The following GOSR2 variants were observed in gnomAD, a reference collection of about 807,000 sequenced individuals.
GOSR2 encodes the protein 27 kDa Golgi SNARE protein.
In GOSR2, 20 loss-of-function variants were observed where a neutral mutation model predicts 27.9. The ratio of observed to expected loss-of-function variants is 0.72; its 90% CI spans 0.50 to 1.04. The LOEUF (loss-of-function observed/expected upper bound fraction) is 1.04. Among genes scored for constraint, GOSR2 ranks in the 50% least tolerant of loss-of-function variants. GOSR2 has a pLI of 0.00. For missense variants in GOSR2, 261 were observed against 270.5 expected, an observed-to-expected ratio of 0.97 and a Z score of 0.25; for synonymous variants, 91 against 98.8, an observed-to-expected ratio of 0.92 and a Z score of 0.47.
chr17:46,966,541 G>A, exon 7 of GOSR2: 1 of 694,080 alleles, frequency 1.4e-6, no homozygotes, highest in Non-Finnish European at 2.6e-6. Context: ...CAGAGACAAG[G>A]TCTCACCATG....
At chr17:46,937,193 G>A (rs1271726801) in intron 5 of GOSR2, 1 of 152,150 alleles carries the variant, frequency 6.6e-6, no homozygotes, top group Admixed American at 6.5e-5. Context: ...TGTTTTGGTG[G>A]TGGGTGATGC....
In GOSR2 at chr17:46,923,236, G is replaced by T. The variant is rs374396285; in HGVS notation, c.29+15G>T. ...CAAACGCACAAGTGAGGGCCGGTCG[G>T]GGAGCGGGCAGGGGCTAGACGAGGC... is the stretch of plus-strand genomic sequence containing the variant. On this transcript the variant is annotated intron_variant, in intron 1 of 5. Transcript: ENST00000640051. 2.7e-5 allele frequency: 42 copies of T among 1,551,176 alleles called. No homozygotes were observed. The East Asian group carries it at 5.9e-4, about 22-fold the overall frequency.
chr17:46,931,673 G>T, intron 3 of GOSR2: 1 of 318,082 alleles, frequency 3.1e-6, no homozygotes, highest in Non-Finnish European at 5.8e-6. Flanking sequence ...CCCAGCGCCT[G>T]TTTCCAAAAG....
At chr17:46,950,719 A>G (rs2090273836) in intron 6 of GOSR2, among the ~76,000 whole-genome samples, 1 of 152,044 alleles carries the variant, frequency 6.6e-6, no homozygotes, top group Admixed American at 6.5e-5. Context: ...GAGGGCAGGG[A>G]CTGGTCTGTG....
intron 6 of GOSR2, among the ~76,000 whole-genome samples, chr17:46,951,855 T>A (rs1451758785): frequency 6.6e-6 from 1 of 152,180 alleles, no homozygotes; most frequent in Non-Finnish European, 1.5e-5. Context: ...CAAGAAAATC[T>A]GGCTTTTCCC....
Position 46,940,948 on chromosome 17 carries a change from ACT to A in GOSR2, c.*2194_*2195del, listed in dbSNP as rs553512648. Reference sequence around the variant, plus strand: ...AAATAGACCTTGGCCTAACAGTGTGACTCTCTCCACCGCCTCAGTGTAGGGAA... The same window carrying A: ...AAATAGACCTTGGCCTAACAGTGTGACTCTCCACCGCCTCAGTGTAGGGAA... On this transcript the variant is annotated 3_prime_UTR_variant, in exon 6 of 6. Transcript: ENST00000640051. The A allele has an allele frequency of 1.1e-3, 1,409 of 1,250,846 alleles. 3 individuals carry two copies. Among genetic ancestry groups the A allele is most frequent in the Admixed American group, 5.0e-3 (147 of 29,154 alleles). 77.5% of individuals were successfully genotyped at this position (1,250,846 alleles called of 1,614,324 possible).
downstream of GOSR2, chr17:46,968,660 T>A (rs1332902924): frequency 6.6e-6 from 1 of 152,460 alleles, no homozygotes; most frequent in East Asian, 1.9e-4. Context: ...TTCTGTGTAA[T>A]CATACAGCTT....
intron 6 of GOSR2, among the ~76,000 whole-genome samples, chr17:46,973,382 C>T (rs758702145): frequency 5.3e-5 from 8 of 152,002 alleles, no homozygotes; most frequent in Admixed American, 3.9e-4. Context: ...AGGCTGGTCT[C>T]GAACTCGTGG....
At chr17:46,923,280 C>A (rs185341564) in intron 1 of GOSR2, 59 bp downstream of exon 1, 4 of 1,549,896 alleles carry the variant, frequency 2.6e-6, no homozygotes, top group Non-Finnish European at 3.5e-6. Flanking sequence ...GTGAGCCTGG[C>A]TTCTGGGGCT....
chr17:46,939,213 A>T lies in GOSR2; in HGVS notation c.*453A>T, dbSNP rs1353006964. Reference sequence around the variant, plus strand: ...AGGAAAGAGGCCTTTTCTCACAGCCATTATATTAAATAGTAGGTCGATTCA... The same window carrying T: ...AGGAAAGAGGCCTTTTCTCACAGCCTTTATATTAAATAGTAGGTCGATTCA... On this transcript the variant is annotated 3_prime_UTR_variant, in exon 6 of 6. Transcript: ENST00000640051. 9.3e-7 allele frequency: 1 copy of T among 1,073,548 alleles called. No individual in the cohort carries two copies. The highest frequency in any genetic ancestry group is 1.6e-5 in the African/African-American group (1 of 61,428). The allele number at this position is 1,073,548 out of a possible 1,614,324, so 66.5% of individuals were successfully genotyped here. A position where few individuals can be genotyped will look rare whatever the true frequency, so the allele number is the denominator to read the frequency against.
At position 46,941,248 on chromosome 17, in the gene GOSR2, C is replaced by G; in HGVS notation, c.*2488C>G. ...ATTTTTTAGACTTCACTGCGGAGTTCTGTACACCCTTTGCCCTGATGAATT... is the reference window on the plus strand; with the variant it reads ...ATTTTTTAGACTTCACTGCGGAGTTGTGTACACCCTTTGCCCTGATGAATT... On this transcript the variant is annotated 3_prime_UTR_variant, in exon 6 of 6. Coordinates refer to ENST00000640051, the MANE Select transcript of GOSR2 (RefSeq NM_004287.5). 1 of 992,062 alleles carries G rather than the reference C, an allele frequency of 1.0e-6. No individual in the cohort carries two copies. Among genetic ancestry groups the G allele is most frequent in the Non-Finnish European group, 1.2e-6 (1 of 833,146 alleles). The allele number at this position is 992,062 out of a possible 1,614,324, so 61.5% of individuals were successfully genotyped here.
chr17:46,959,372 T>C (rs977617647), intron 6 of GOSR2, among the ~76,000 whole-genome samples: 1 of 152,252 alleles, frequency 6.6e-6, no homozygotes, highest in Non-Finnish European at 1.5e-5. Context: ...AGTGTATTTC[T>C]TTTTGTCTGG....
intron 6 of GOSR2, chr17:46,955,820 C>T (rs2090668942): frequency 6.6e-6 from 1 of 152,210 alleles, no homozygotes; most frequent in Non-Finnish European, 1.5e-5. Context: ...GTGTGTGTGT[C>T]TCATCTCTCT....
intron 1 of GOSR2, among the ~76,000 whole-genome samples, chr17:46,927,920 A>G (rs915167480): frequency 6.6e-6 from 1 of 152,098 alleles, no homozygotes; most frequent in African/African-American, 2.4e-5. Context: ...ATCAGCATTG[A>G]AAATTTACCT....
chr17:46,934,162 T>G (rs750310680), intron 4 of GOSR2, among the ~76,000 whole-genome samples: 5 of 144,310 alleles, frequency 3.5e-5, no homozygotes, highest in African/African-American at 5.7e-5. Flanking sequence ...CATTCCCAGC[T>G]CCACTGGACT....
intron 6 of GOSR2, among the ~76,000 whole-genome samples, chr17:46,948,087 C>T (rs918129785): frequency 2.6e-5 from 4 of 152,188 alleles, no homozygotes; most frequent in African/African-American, 9.7e-5. Context: ...TGATTTTTGT[C>T]AGGAGACAGA....
At chr17:46,969,499 G>A (rs3890958), downstream of GOSR2, among the ~76,000 whole-genome samples, 42,323 of 152,122 alleles carry the variant, frequency 0.28, 6,770 homozygotes, top group South Asian at 0.45. Context: ...CCTGCAGAGG[G>A]GCCAGAGTTG....
At chr17:46,925,623 A>G (rs1435900560) in intron 1 of GOSR2, among the ~76,000 whole-genome samples, 4 of 152,208 alleles carry the variant, frequency 2.6e-5, no homozygotes, top group Admixed American at 2.6e-4. Context: ...TTCACAAGAA[A>G]CACGTGGAGT....
intron 6 of GOSR2, among the ~76,000 whole-genome samples, chr17:46,961,922 A>G (rs984361151): frequency 2.6e-5 from 4 of 152,352 alleles, no homozygotes; most frequent in Non-Finnish European, 4.4e-5. Context: ...GGGCTGACCA[A>G]TGATTCCAAA....
Sources: allele counts gnomAD v4.1 joint callset (sites outside exome capture counted in the v4.1 genomes callset), GRCh38; gene constraint gnomAD v4.1.1; transcripts MANE v1.5; gene names NCBI Gene and HGNC (gene_info 2026-07-23, HGNC 2026-07-21).